Variants in METTL14 observed in about 807,000 individuals in gnomAD.
The protein encoded by METTL14 is methyltransferase 14, N6-adenosine-methyltransferase non-catalytic subunit.
METTL14 carries 32 observed loss-of-function variants against 62.4 expected under a neutral mutation model. The ratio of observed to expected loss-of-function variants is 0.51; its 90% confidence interval spans 0.39 to 0.69. METTL14 has a LOEUF of 0.69. Ranked by LOEUF, METTL14 falls within the 30% of genes least tolerant of loss-of-function variation. The pLI is 0.00. For missense variants in METTL14, 340 were observed against 551.9 expected (o/e 0.62, Z 3.85); for synonymous variants, 150 against 180.0 (o/e 0.83, Z 1.34).
chr4:118,697,800 A>T (rs1440417344), intron 7 of METTL14, among the ~76,000 whole-genome samples: 1 of 152,176 alleles, frequency 6.6e-6, no homozygotes, highest in Non-Finnish European at 1.5e-5. Flanking sequence ...AGTCCTGCAT[A>T]AGATGACATG....
rs58763837 is a variant in METTL14 at position 118,687,789 on chromosome 4, T to TTGTGTG, written c.67-117_67-112dup. 25 of 578,630 alleles carry TTGTGTG rather than the reference T, an allele frequency of 4.3e-5. No homozygotes were observed. The East Asian group carries it at 6.4e-4, about 15-fold the overall frequency. 35.8% of individuals were successfully genotyped at this position (578,630 alleles called of 1,614,324 possible). On this transcript the variant is annotated intron_variant, in intron 1 of 10. Transcript: ENST00000388822. Reference sequence around the variant, plus strand: ...CTTGCAAGCTGATTAATTCATTGTTTTGTGTGTGTGTGTGTGTGTGTGAAT... The same window carrying TTGTGTG: ...CTTGCAAGCTGATTAATTCATTGTTTTGTGTGTGTGTGTGTGTGTGTGTGTGTGAAT...
rs1283853479 is a variant in METTL14, at chr4:118,710,168, C to G, written c.1237C>G (p.Pro413Ala). 1 of 1,614,002 alleles carries G rather than the reference C, an allele frequency of 6.2e-7. No individual in the cohort carries two copies. The highest frequency in any genetic ancestry group is 8.5e-7 in the Non-Finnish European group (1 of 1,180,034). ...KSKSDRGGGA[P>A]RGGGRGGTSA... ...TAAATCTGACCGAGGAGGTGGAGCT[C>G]CCAGAGGTGGAGGAAGAGGTGGAAC... is the stretch of plus-strand genomic sequence containing the variant. The change falls in exon 11 of 11, where the codon CCC becomes GCC. Residue 413 changes from proline to alanine, a missense_variant. Transcript: ENST00000388822.
At chr4:118,703,066 C>G (rs1223190504) in intron 8 of METTL14, among the ~76,000 whole-genome samples, 1 of 151,438 alleles carries the variant, frequency 6.6e-6, no homozygotes, top group African/African-American at 2.4e-5. Context: ...ACCCATCAAC[C>G]CGTAATCTAC....
chr4:118,698,108 T>G (rs11945703), intron 7 of METTL14, among the ~76,000 whole-genome samples: 45,536 of 151,784 alleles, frequency 0.3, 7,495 homozygotes, highest in Non-Finnish European at 0.37. Context: ...TTAACCAGTT[T>G]AGTAAAAAGG....
chr4:118,687,190 T>G (rs1361315622), intron 1 of METTL14, among the ~76,000 whole-genome samples: 2 of 152,208 alleles, frequency 1.3e-5, no homozygotes, highest in Non-Finnish European at 2.9e-5. Flanking sequence ...GCCAGAAGTG[T>G]TTTGGATTTC....
In METTL14 at chr4:118,685,559, C is replaced by A; in HGVS notation, c.25C>A (p.Arg9=). The A allele has an allele frequency of 6.2e-7, 1 of 1,614,056 alleles. No homozygotes were observed. Among genetic ancestry groups the A allele is most frequent in the Non-Finnish European group, 8.5e-7 (1 of 1,179,996 alleles). MDSRLQEI[R]ERQKLRRQLL... ...CATGGATAGCCGCTTGCAGGAGATC[C>A]GGGAGCGGCAGAAGTTACGGCGACA... The change falls in exon 1 of 11, where the codon CGG becomes AGG. Residue 9 remains arginine, a synonymous_variant. Transcript: ENST00000388822.
chr4:118,695,464 G>A (rs771023450), intron 6 of METTL14, among the ~76,000 whole-genome samples: 3 of 152,014 alleles, frequency 2.0e-5, no homozygotes, highest in East Asian at 3.9e-4. Flanking sequence ...CAGTAGAATC[G>A]TTTGAATCTA....
rs755323508 is a variant in METTL14, at chr4:118,704,071, G to GT, written c.855+28dup. 9.7e-5 allele frequency: 139 copies of GT among 1,426,896 alleles called. No homozygotes were observed. Among genetic ancestry groups the GT allele is most frequent in the Middle Eastern group, 3.5e-4 (2 of 5,646 alleles). The allele number at this position is 1,426,896 out of a possible 1,614,324, so 88.4% of individuals were successfully genotyped here. A position where few individuals can be genotyped will look rare whatever the true frequency, so the allele number is the denominator to read the frequency against. ...ACAAAGGTATTGCCTTTACTGATTT[G>GT]TTTTTTTTAATTTTTGTGATTTTCT... On this transcript the variant is annotated intron_variant, in intron 9 of 10. Coordinates refer to ENST00000388822, the MANE Select transcript of METTL14 (RefSeq NM_020961.4).
chr4:118,694,605 C>A lies in METTL14; in HGVS notation c.503+79C>A, dbSNP rs1724350933. ...GTTTGTTTATCCTATAACCTTTTTT[C>A]TTCTTCCTAAATTCAGCACTTATGT... On this transcript the variant is annotated intron_variant, in intron 6 of 10. Coordinates refer to ENST00000388822, the MANE Select transcript of METTL14 (RefSeq NM_020961.4). 5 of 1,046,356 alleles carry A rather than the reference C, an allele frequency of 4.8e-6. No individual in the cohort carries two copies. In the Admixed American group the frequency reaches 1.0e-4, roughly 22 times the overall value. 64.8% of individuals were successfully genotyped at this position (1,046,356 alleles called of 1,614,324 possible). A position where few individuals can be genotyped will look rare whatever the true frequency, so the allele number is the denominator to read the frequency against.
Position 118,703,308 on chromosome 4 carries a change from T to A in METTL14, c.739-627T>A, listed in dbSNP as rs74543657. Among the ~76,000 whole-genome samples the A allele has an allele frequency of 2.0e-3, 305 of 152,294 alleles. 3 individuals are homozygous for A. The highest frequency in any genetic ancestry group is 6.9e-3 in the African/African-American group (287 of 41,560). On this transcript the variant is annotated intron_variant, in intron 8 of 10. Coordinates refer to ENST00000388822, the MANE Select transcript of METTL14 (RefSeq NM_020961.4). ...TTTCAGTTGTCACTGTGAGCAGTCA[T>A]TTAGCTGGTATTTGTTTTATGTTAA...
intron 1 of METTL14, among the ~76,000 whole-genome samples, chr4:118,687,144 A>G (rs1579063358): frequency 6.6e-6 from 1 of 152,176 alleles, no homozygotes; most frequent in East Asian, 1.9e-4. Context: ...AGTTATTGCT[A>G]TTGCAGGTTG....
At chr4:118,701,952 T>TC (rs1724603994) in intron 8 of METTL14, among the ~76,000 whole-genome samples, 1 of 152,110 alleles carries the variant, frequency 6.6e-6, no homozygotes, top group Admixed American at 6.5e-5. Flanking sequence ...GTTGGATATC[T>TC]CCATTTTTTT....
chr4:118,691,730 T>TAA, intron 4 of METTL14, 118 bp downstream of exon 4: 1 of 603,930 alleles, frequency 1.7e-6, no homozygotes, highest in South Asian at 2.7e-5. Context: ...ATCATTGTTA[T>TAA]AAAATAAAGA....
Position 118,714,070 on chromosome 4 carries a change from A to C in METTL14, c.*3768A>C, listed in dbSNP as rs1484754449. 6.6e-6 allele frequency: 1 copy of C among 152,228 alleles called. No homozygotes were observed. The highest frequency in any genetic ancestry group is 1.5e-5 in the Non-Finnish European group (1 of 68,034). The allele number at this position is 152,228 out of a possible 1,614,324, so 9.4% of individuals were successfully genotyped here. ...AGATAAGGTAGGTTTTTCCAAAAAT[A>C]CTTCTAAATAATTGACAACCTAGAA... On this transcript the variant is annotated 3_prime_UTR_variant, in exon 11 of 11. Coordinates refer to ENST00000388822, the MANE Select transcript of METTL14 (RefSeq NM_020961.4).
At chr4:118,696,744 G>A (rs114411422) in intron 6 of METTL14, among the ~76,000 whole-genome samples, 1,738 of 152,164 alleles carry the variant, frequency 0.011, 20 homozygotes, top group Non-Finnish European at 0.018. Context: ...CTATGTTTTG[G>A]GGGAAGAATT....
At chr4:118,698,993 C>T (rs1349055855) in intron 7 of METTL14, among the ~76,000 whole-genome samples, 1 of 151,872 alleles carries the variant, frequency 6.6e-6, no homozygotes. Context: ...AATTTAAAAA[C>T]GAGTTGTTCA....
chr4:118,690,820 G>A (rs1452180388), intron 3 of METTL14, among the ~76,000 whole-genome samples: 1 of 152,046 alleles, frequency 6.6e-6, no homozygotes, highest in Non-Finnish European at 1.5e-5. Context: ...GTATAATCAA[G>A]ATATTTTTAG....
At position 118,713,354 on chromosome 4, in the gene METTL14, CTT is replaced by C. The variant is rs1477539409; in HGVS notation, c.*3055_*3056del. 2 of 152,152 alleles carry C rather than the reference CTT, an allele frequency of 1.3e-5. No individual in the cohort carries two copies. Among genetic ancestry groups the C allele is most frequent in the Non-Finnish European group, 1.5e-5 (1 of 68,024 alleles). 9.4% of individuals were successfully genotyped at this position (152,152 alleles called of 1,614,324 possible). A position where few individuals can be genotyped will look rare whatever the true frequency, so the allele number is the denominator to read the frequency against. On this transcript the variant is annotated 3_prime_UTR_variant, in exon 11 of 11. Transcript: ENST00000388822. ...TACTAGGAGTTACTCCTTTTCATGT[CTT>C]TTAAAATACTTTCTACCCATCTTAA...
chr4:118,691,806 T>C (rs1475343992), intron 4 of METTL14, among the ~76,000 whole-genome samples, 175 bp from the exon 5 acceptor site: 1 of 152,216 alleles, frequency 6.6e-6, no homozygotes, highest in Admixed American at 6.5e-5. Flanking sequence ...TAACAGTATA[T>C]TAATATCAGT....
Sources: allele counts gnomAD v4.1 joint callset (sites outside exome capture counted in the v4.1 genomes callset), GRCh38; gene constraint gnomAD v4.1.1; transcripts MANE v1.5; gene names NCBI Gene and HGNC (gene_info 2026-07-23, HGNC 2026-07-21).